The following TEAD1 variants were observed in gnomAD, a reference collection of about 807,000 sequenced individuals.
TEAD1 encodes TEA domain transcription factor 1, also known as transcriptional enhancer factor TEF-1.
TEAD1 carries 9 observed loss-of-function variants against 54.9 expected under a neutral mutation model. That is an observed-to-expected ratio of 0.16 (90% CI 0.10 to 0.29). The LOEUF is 0.29. Ranked by LOEUF, TEAD1 falls within the 10% of genes least tolerant of loss-of-function variation. The pLI is 1.00. For synonymous variants in TEAD1, 200 were observed against 187.8 expected, an observed-to-expected ratio of 1.07 and a Z score of -0.53; for missense variants, 387 against 535.9, an observed-to-expected ratio of 0.72 and a Z score of 2.74.
chr11:12,860,606 C>T (rs1031209178), intron 3 of TEAD1, among the ~76,000 whole-genome samples: 3 of 152,228 alleles, frequency 2.0e-5, no homozygotes, highest in Admixed American at 1.3e-4. Context: ...ATGGTCACTT[C>T]CTTTCAGCAG....
chr11:12,921,189 A>G (rs755369116), intron 10 of TEAD1: 3 of 152,140 alleles, frequency 2.0e-5, no homozygotes, highest in Non-Finnish European at 4.4e-5. Context: ...TGCCCATTTT[A>G]CAGTTTTATT....
At chr11:12,814,641 C>T (rs1369095186) in intron 3 of TEAD1, among the ~76,000 whole-genome samples, 1 of 152,114 alleles carries the variant, frequency 6.6e-6, no homozygotes, top group Non-Finnish European at 1.5e-5. Context: ...AGAGTCTTTG[C>T]GCATGTCATC....
intron 10 of TEAD1, among the ~76,000 whole-genome samples, chr11:12,912,010 C>G (rs1948626517): frequency 6.6e-6 from 1 of 151,710 alleles, no homozygotes; most frequent in Non-Finnish European, 1.5e-5. Flanking sequence ...GTAAATGGTC[C>G]TAAAGAAATT....
intron 5 of TEAD1, among the ~76,000 whole-genome samples, chr11:12,873,653 C>T (rs1206716584): frequency 6.6e-6 from 1 of 152,098 alleles, no homozygotes; most frequent in African/African-American, 2.4e-5. Context: ...CTGAAGTAGT[C>T]TCCTTTTGTA....
chr11:12,900,799 T>A (rs1233189984), intron 9 of TEAD1, among the ~76,000 whole-genome samples: 1 of 152,186 alleles, frequency 6.6e-6, no homozygotes, highest in African/African-American at 2.4e-5. Flanking sequence ...TTGCCAGTTT[T>A]AACTTGGAAT....
At chr11:12,879,063 G>C (rs1198813913) in intron 5 of TEAD1, among the ~76,000 whole-genome samples, 1 of 152,150 alleles carries the variant, frequency 6.6e-6, no homozygotes, top group African/African-American at 2.4e-5. Context: ...GCTTCAGTAC[G>C]AACCCACGTA....
intron 3 of TEAD1, among the ~76,000 whole-genome samples, chr11:12,841,566 C>T (rs1273186983): frequency 1.3e-5 from 2 of 152,234 alleles, no homozygotes; most frequent in African/African-American, 2.4e-5. Context: ...CACATTCCCC[C>T]TCCAGGCTGC....
Position 12,817,908 on chromosome 11 carries a change from A to G in TEAD1, c.203-44342A>G, listed in dbSNP as rs77564894. ...AATGCAGCTTTGTCCCCACGGATTT[A>G]TACTGGAGAGGTTTCTTACCCACAC... On this transcript the variant is annotated intron_variant, in intron 3 of 12. Coordinates refer to ENST00000527636, the MANE Select transcript of TEAD1 (RefSeq NM_021961.6). Among the ~76,000 whole-genome samples the G allele has an allele frequency of 4.8e-3, 730 of 152,352 alleles. 9 individuals carry two copies. The highest frequency in any genetic ancestry group is 0.017 in the African/African-American group (690 of 41,574).
chr11:12,898,223 C>T (rs1233170850), intron 9 of TEAD1, among the ~76,000 whole-genome samples: 1 of 152,108 alleles, frequency 6.6e-6, no homozygotes, highest in Admixed American at 6.6e-5. Flanking sequence ...TGAACAGTCA[C>T]TTGGCTTCAC....
chr11:12,880,787 T>A (rs1227534470), intron 6 of TEAD1, among the ~76,000 whole-genome samples: 2 of 152,092 alleles, frequency 1.3e-5, no homozygotes, highest in Admixed American at 6.5e-5. Context: ...CTTGGGGGCA[T>A]TTTCAGGAAG....
Position 12,902,390 on chromosome 11 carries a change from G to T in TEAD1, c.873+277G>T, listed in dbSNP as rs568748582. 8.1e-4 allele frequency among the ~76,000 whole-genome samples: 124 copies of T among 152,372 alleles called. 1 individual carries two copies. Among genetic ancestry groups the T allele is most frequent in the Non-Finnish European group, 1.2e-3 (84 of 68,042 alleles). ...ACTTCACTTAAATTCCCGGAGCTGGGATGAAAATAAAGTTACATGCTTCAA... is the reference window on the plus strand; with the variant it reads ...ACTTCACTTAAATTCCCGGAGCTGGTATGAAAATAAAGTTACATGCTTCAA... On this transcript the variant is annotated intron_variant, in intron 10 of 12. Transcript: ENST00000527636.
intron 5 of TEAD1, among the ~76,000 whole-genome samples, chr11:12,878,585 GTCTGTCCTGGGGAAGCCACAGAACCA>G (rs1487882966): frequency 6.6e-6 from 1 of 152,014 alleles, no homozygotes; most frequent in Admixed American, 6.6e-5. Flanking sequence ...CTATTTCTCT[GTCTGTCCTGGGGAAGCCACAGAACCA>G]GTGCAAAGGA....
intron 2 of TEAD1, among the ~76,000 whole-genome samples, chr11:12,717,141 C>A (rs4501963): frequency 0.11 from 17,445 of 152,248 alleles, 3,362 homozygotes; most frequent in African/African-American, 0.4. Context: ...TGTAGTTATA[C>A]TGATCATAGA....
At chr11:12,883,152 T>C in intron 9 of TEAD1, 27 bp downstream of exon 9, 1 of 1,614,062 alleles carries the variant, frequency 6.2e-7, no homozygotes, top group Non-Finnish European at 8.5e-7. Context: ...AGGTGTGTCT[T>C]GAATCCAGGA....
At chr11:12,879,358 T>G (rs574879230) in intron 5 of TEAD1, 2 of 526,720 alleles carry the variant, frequency 3.8e-6, no homozygotes, top group South Asian at 2.2e-5. Context: ...AGGGCCTTTA[T>G]TTTTTTTTCT....
At chr11:12,717,788 C>G (rs532864037) in intron 2 of TEAD1, among the ~76,000 whole-genome samples, 1 of 152,146 alleles carries the variant, frequency 6.6e-6, no homozygotes, top group African/African-American at 2.4e-5. Flanking sequence ...CATGGCTTAG[C>G]GGTCAGCAGG....
chr11:12,879,422 T>C, intron 5 of TEAD1: 1 of 597,836 alleles, frequency 1.7e-6, no homozygotes, highest in South Asian at 2.0e-5. Context: ...ACAAGCTAAA[T>C]AAATACGTTG....
At chr11:12,927,133 T>C (rs1482101420) in intron 11 of TEAD1, among the ~76,000 whole-genome samples, 1 of 152,222 alleles carries the variant, frequency 6.6e-6, no homozygotes, top group Non-Finnish European at 1.5e-5. Context: ...GAAAGGTTGC[T>C]CTTGACTGAT....
At chr11:12,795,886 C>T (rs934978377) in intron 3 of TEAD1, among the ~76,000 whole-genome samples, 29 of 152,134 alleles carry the variant, frequency 1.9e-4, no homozygotes, top group African/African-American at 6.0e-4. Context: ...CCTTACCCCA[C>T]GCCATTGAAT....
Sources: gnomAD v4.1 joint callset for allele counts (sites outside exome capture counted in the v4.1 genomes callset) on GRCh38, gnomAD v4.1.1 for gene constraint, MANE v1.5 for transcripts, NCBI Gene and HGNC (gene_info 2026-07-23, HGNC 2026-07-21) for gene names.